The following PPM1A variants were observed in gnomAD, a reference collection of about 807,000 sequenced individuals.
The protein encoded by PPM1A is protein phosphatase, Mg2+/Mn2+ dependent 1A.
In PPM1A, 7 loss-of-function variants were observed where a neutral mutation model predicts 35.0. The ratio of observed to expected loss-of-function variants is 0.20; its 90% confidence interval spans 0.11 to 0.38. PPM1A has a LOEUF of 0.38. Among genes scored for constraint, PPM1A ranks in the 10% least tolerant of loss-of-function variants. The pLI, the probability that PPM1A is intolerant of heterozygous loss-of-function variation, is 1.00. For missense variants in PPM1A, 239 were observed against 467.8 expected, an observed-to-expected ratio of 0.51 and a Z score of 4.51; for synonymous variants, 153 against 167.3, an observed-to-expected ratio of 0.91 and a Z score of 0.66.
In PPM1A at chr14:60,249,966, T is replaced by G. The variant is rs1339739973; in HGVS notation, c.-21+289T>G. On this transcript the variant is annotated intron_variant, in intron 1 of 5. Coordinates refer to ENST00000395076, the MANE Select transcript of PPM1A (RefSeq NM_021003.5). This position sits in a 1 kb window ranked among gnomAD's most constrained non-coding sequence, Gnocchi z 4.5. ...TCTGGCCGTCCGCGGCCGAGATGGG[T>G]GTTTGTGGCGGCGAAGCAGGCGACG... Among the ~76,000 whole-genome samples, 1 of 148,176 alleles carries G rather than the reference T, an allele frequency of 6.7e-6. No individual in the cohort carries two copies. The highest frequency in any genetic ancestry group is 1.5e-5 in the Non-Finnish European group (1 of 66,834).
In PPM1A at chr14:60,249,883, T is replaced by G. The variant is rs1223944500; in HGVS notation, c.-21+206T>G. On this transcript the variant is annotated intron_variant, in intron 1 of 5. Transcript: ENST00000395076. The surrounding 1 kb of genome is among the most constrained non-coding windows in gnomAD (Gnocchi z 4.5). ...AGGGGTTAACGCTCGGCGAGGGCGG[T>G]GGCGGGGAGGCGGGGGCGGGGTGTT... Among the ~76,000 whole-genome samples the G allele has an allele frequency of 3.5e-5, 5 of 144,476 alleles. No homozygotes were observed. The highest frequency in any genetic ancestry group is 4.6e-4 in the South Asian group (2 of 4,320). 94.8% of individuals were successfully genotyped at this position (144,476 alleles called of 152,430 possible).
chr14:60,271,615 ATGT>A (rs1269291509), intron 1 of PPM1A, among the ~76,000 whole-genome samples: 1 of 152,188 alleles, frequency 6.6e-6, no homozygotes, highest in Non-Finnish European at 1.5e-5. Flanking sequence ...TCGAGAATGC[ATGT>A]TGTTCTAGGG....
At chr14:60,250,009 C>T (rs537642339) in intron 1 of PPM1A, among the ~76,000 whole-genome samples, 12 of 151,634 alleles carry the variant, frequency 7.9e-5, no homozygotes, top group African/African-American at 2.7e-4. Context: ...GCCGGCCTGG[C>T]CGGAGAGCGG....
chr14:60,288,667 A>G (rs996085676), intron 3 of PPM1A: 3 of 491,690 alleles, frequency 6.1e-6, no homozygotes, highest in African/African-American at 2.1e-5. Context: ...TGAACCATTT[A>G]AAGAAATATT....
chr14:60,264,604 T>C (rs1402127867), intron 1 of PPM1A, among the ~76,000 whole-genome samples: 1 of 152,224 alleles, frequency 6.6e-6, no homozygotes, highest in African/African-American at 2.4e-5. Flanking sequence ...TTGAAATACA[T>C]TGTTGATGGG....
At position 60,282,692 on chromosome 14, in the gene PPM1A, G is replaced by T. The variant is rs747230311; in HGVS notation, c.-12G>T. ...TTTCTCTTCCTTTGCAGACCTAGAG[G>T]ATCAAGACATAATGGGAGCATTTTT... On this transcript the variant is annotated 5_prime_UTR_variant, in exon 2 of 6. Transcript: ENST00000395076. This position sits in a 1 kb window ranked among gnomAD's most constrained non-coding sequence, Gnocchi z 5.1. 6 of 1,613,744 alleles carry T rather than the reference G, an allele frequency of 3.7e-6. No homozygotes were observed. In the Admixed American group the frequency reaches 1.0e-4, roughly 27 times the overall value.
intron 1 of PPM1A, among the ~76,000 whole-genome samples, chr14:60,263,615 C>T (rs967008772): frequency 9.2e-5 from 14 of 152,106 alleles, no homozygotes; most frequent in Non-Finnish European, 2.1e-4. Flanking sequence ...GTACCCATCA[C>T]CCAAATACTG....
At chr14:60,261,867 T>C (rs913995624) in intron 1 of PPM1A, among the ~76,000 whole-genome samples, 1 of 152,202 alleles carries the variant, frequency 6.6e-6, no homozygotes, top group African/African-American at 2.4e-5. Flanking sequence ...ATAAATCACA[T>C]ATAGGTGTAA....
Position 60,292,573 on chromosome 14 carries a change from T to C in PPM1A, c.*91T>C. On this transcript the variant is annotated 3_prime_UTR_variant, in exon 6 of 6. Transcript: ENST00000395076. This position sits in a 1 kb window ranked among gnomAD's most constrained non-coding sequence, Gnocchi z 4.2. ...AACTTTTAACATCCATCCTCAACTT[T>C]AAGGAAGGGGATATGACATGGGTGA... is the stretch of plus-strand genomic sequence containing the variant. The C allele has an allele frequency of 6.9e-6, 8 of 1,152,586 alleles. No individual in the cohort carries two copies. Among genetic ancestry groups the C allele is most frequent in the Non-Finnish European group, 1.0e-5 (8 of 781,464 alleles). The allele number at this position is 1,152,586 out of a possible 1,614,324, so 71.4% of individuals were successfully genotyped here. A position where few individuals can be genotyped will look rare whatever the true frequency, so the allele number is the denominator to read the frequency against.
chr14:60,257,233 T>G (rs1034871325), intron 1 of PPM1A, among the ~76,000 whole-genome samples: 2 of 152,210 alleles, frequency 1.3e-5, no homozygotes, highest in African/African-American at 4.8e-5. Context: ...TCTGAGAAGA[T>G]AGTCTTAAAC....
chr14:60,260,235 T>A (rs1234132767), intron 1 of PPM1A, among the ~76,000 whole-genome samples: 1 of 152,104 alleles, frequency 6.6e-6, no homozygotes, highest in African/African-American at 2.4e-5. Context: ...TTGGGGCACA[T>A]TGAACTCAAT....
In PPM1A at chr14:60,293,410, C is replaced by T. The variant is rs756049726; in HGVS notation, c.*928C>T. On this transcript the variant is annotated 3_prime_UTR_variant, in exon 6 of 6. Transcript: ENST00000395076. The surrounding 1 kb of genome is among the most constrained non-coding windows in gnomAD (Gnocchi z 4.0). ...ACCCTGGCCTTTTAAAACACTGTGCCGTTGTAATGAGACGTTTCTCATAGG... is the reference window on the plus strand; with the variant it reads ...ACCCTGGCCTTTTAAAACACTGTGCTGTTGTAATGAGACGTTTCTCATAGG... 8 of 151,874 alleles carry T rather than the reference C, an allele frequency of 5.3e-5. No homozygotes were observed. Among genetic ancestry groups the T allele is most frequent in the East Asian group, 1.9e-4 (1 of 5,192 alleles). The allele number at this position is 151,874 out of a possible 1,614,324, so 9.4% of individuals were successfully genotyped here.
Position 60,295,307 on chromosome 14 carries a change from C to A in PPM1A, c.*2825C>A, listed in dbSNP as rs958026391. 2.4e-4 allele frequency: 36 copies of A among 151,576 alleles called. No homozygotes were observed. Among genetic ancestry groups the A allele is most frequent in the African/African-American group, 8.2e-4 (34 of 41,328 alleles). The allele number at this position is 151,576 out of a possible 1,614,324, so 9.4% of individuals were successfully genotyped here. On this transcript the variant is annotated 3_prime_UTR_variant, in exon 6 of 6. Coordinates refer to ENST00000395076, the MANE Select transcript of PPM1A (RefSeq NM_021003.5). ...TAATTTCCACTTTCTTGGGAATATA[C>A]TTTTATAGACAATAGAAGCAGTTCT...
At chr14:60,252,497 A>C (rs1359205557) in intron 1 of PPM1A, among the ~76,000 whole-genome samples, 2 of 152,198 alleles carry the variant, frequency 1.3e-5, no homozygotes, top group African/African-American at 4.8e-5. Context: ...ATAAAACAAC[A>C]CATGGCCCTG....
chr14:60,275,028 C>CA (rs1885589103), intron 1 of PPM1A, among the ~76,000 whole-genome samples: 1 of 148,124 alleles, frequency 6.8e-6, no homozygotes, highest in African/African-American at 2.5e-5. Flanking sequence ...CAGTCCCAGA[C>CA]AAAAAAGAAA....
chr14:60,246,046 G>A, upstream of PPM1A: 4 of 1,572,910 alleles, frequency 2.5e-6, no homozygotes, highest in Non-Finnish European at 3.4e-6. Flanking sequence ...ATATGAAACA[G>A]GTAGTGAGGG....
intron 1 of PPM1A, among the ~76,000 whole-genome samples, chr14:60,256,167 T>C (rs111666079): frequency 0.013 from 1,941 of 152,268 alleles, 46 homozygotes; most frequent in African/African-American, 0.045. Context: ...ATGCCTGTAA[T>C]CCCAGCACTT....
rs958984620 is a variant in PPM1A at position 60,293,706 on chromosome 14, C to T, written c.*1224C>T. On this transcript the variant is annotated 3_prime_UTR_variant, in exon 6 of 6. Transcript: ENST00000395076. The surrounding 1 kb of genome is among the most constrained non-coding windows in gnomAD (Gnocchi z 4.0). Reference sequence around the variant, plus strand: ...TGTGTGTTTGTGAGTGTGTGTTTGCCTGTGATTTTTAATTGGCCCATGTCT... The same window carrying T: ...TGTGTGTTTGTGAGTGTGTGTTTGCTTGTGATTTTTAATTGGCCCATGTCT... 1 of 151,124 alleles carries T rather than the reference C, an allele frequency of 6.6e-6. No individual in the cohort carries two copies. The highest frequency in any genetic ancestry group is 2.4e-5 in the African/African-American group (1 of 41,158). 9.4% of individuals were successfully genotyped at this position (151,124 alleles called of 1,614,324 possible).
Position 60,296,443 on chromosome 14 carries a change from A to G in PPM1A, c.*3961A>G, listed in dbSNP as rs952215859. ...AAAAGATGTGTAAATATCTTAGTAT[A>G]TAATTGTTTCTCATTTGAGGTTTTT... On this transcript the variant is annotated 3_prime_UTR_variant, in exon 6 of 6. Coordinates refer to ENST00000395076, the MANE Select transcript of PPM1A (RefSeq NM_021003.5). The surrounding 1 kb of genome is among the most constrained non-coding windows in gnomAD (Gnocchi z 4.4). The G allele has an allele frequency of 2.8e-5, 7 of 246,518 alleles. No individual in the cohort carries two copies. Among genetic ancestry groups the G allele is most frequent in the East Asian group, 7.6e-5 (1 of 13,220 alleles). 15.3% of individuals were successfully genotyped at this position (246,518 alleles called of 1,614,324 possible).
Sources: allele counts gnomAD v4.1 joint callset (sites outside exome capture counted in the v4.1 genomes callset), GRCh38; gene constraint gnomAD v4.1.1; non-coding constraint Gnocchi (gnomAD v3.1); transcripts MANE v1.5; gene names NCBI Gene and HGNC (gene_info 2026-07-23, HGNC 2026-07-21).